KARS1: variants seen among roughly 807,000 people sequenced by gnomAD.
KARS1 encodes lysine--tRNA ligase.
In KARS1, 50 loss-of-function variants were observed where a neutral mutation model predicts 63.9. The ratio of observed to expected loss-of-function variants is 0.78; its 90% confidence interval spans 0.62 to 0.99. The LOEUF is 0.99. Ranked by LOEUF, KARS1 falls within the 50% of genes least tolerant of loss-of-function variation. The pLI is 0.00. For missense variants in KARS1, 816 were observed against 754.5 expected, an observed-to-expected ratio of 1.08 and a Z score of -0.95; for synonymous variants, 320 against 264.6, an observed-to-expected ratio of 1.21 and a Z score of -2.03.
intron 3 of KARS1, among the ~76,000 whole-genome samples, chr16:75,636,859 T>G (rs2082167562): frequency 6.6e-6 from 1 of 151,748 alleles, no homozygotes; most frequent in Non-Finnish European, 1.5e-5. Context: ...AGGCTGGTCT[T>G]GAACTCCTGG....
chr16:75,643,267 C>G (rs2082244261), intron 1 of KARS1, among the ~76,000 whole-genome samples: 2 of 152,158 alleles, frequency 1.3e-5, no homozygotes, highest in Admixed American at 6.5e-5. Flanking sequence ...TGAACCACAG[C>G]AGAAGATCCC....
intron 1 of KARS1, among the ~76,000 whole-genome samples, chr16:75,643,749 T>C (rs2082250530): frequency 6.6e-6 from 1 of 152,242 alleles, no homozygotes; most frequent in Non-Finnish European, 1.5e-5. Flanking sequence ...TTTCTACATA[T>C]AATGTCTTAT....
At chr16:75,628,897 G>A (rs1293592999) in intron 12 of KARS1, 185 bp from the exon 13 acceptor site, 2 of 674,744 alleles carry the variant, frequency 3.0e-6, no homozygotes, top group Non-Finnish European at 5.2e-6. Flanking sequence ...AAGACCTGGA[G>A]GTCAGGACTG....
At chr16:75,628,762 G>T (rs755550385) in intron 12 of KARS1, 50 bp from the exon 13 acceptor site, 25 of 1,597,916 alleles carry the variant, frequency 1.6e-5, no homozygotes, top group Non-Finnish European at 2.1e-5. Context: ...AGATATCTCA[G>T]TGTGTGAGTG....
intron 2 of KARS1, among the ~76,000 whole-genome samples, chr16:75,640,681 C>T (rs747858146): frequency 5.3e-5 from 8 of 152,318 alleles, no homozygotes; most frequent in South Asian, 2.1e-4. Context: ...GAGTCACTTA[C>T]GTTCTTAACT....
chr16:75,643,378 CCT>C (rs1491301893), intron 1 of KARS1, among the ~76,000 whole-genome samples: 1 of 150,850 alleles, frequency 6.6e-6, no homozygotes, highest in Non-Finnish European at 1.5e-5. Flanking sequence ...GAATCTTTCA[CCT>C]TTTTTTTTTT....
chr16:75,631,403 G>A lies in KARS1; in HGVS notation c.1252+13C>T, dbSNP rs2082111622. 18 of 1,613,760 alleles carry A rather than the reference G, an allele frequency of 1.1e-5. No homozygotes were observed. Among genetic ancestry groups the A allele is most frequent in the Non-Finnish European group, 1.5e-5 (18 of 1,179,672 alleles). ...AGGGCCTTACAACGGAGGAGTGAGT[G>A]TTGTCACTTTACCTTCAGTTTCAAA... On this transcript the variant is annotated intron_variant, in intron 9 of 13. Transcript: ENST00000302445.
rs115912670 is a variant in KARS1 at position 75,630,374 on chromosome 16, C to T, written c.1424+49G>A. 1,056 of 1,140,826 alleles carry T rather than the reference C, an allele frequency of 9.3e-4. 8 individuals carry two copies. In the African/African-American group the frequency reaches 0.014, roughly 15 times the overall value. The allele number at this position is 1,140,826 out of a possible 1,614,324, so 70.7% of individuals were successfully genotyped here. ...AAATCTTGACAATAAATTGTTAACACCACTAAGTTTTGGGGCTGTTATGCA... is the reference window on the plus strand; with the variant it reads ...AAATCTTGACAATAAATTGTTAACATCACTAAGTTTTGGGGCTGTTATGCA... On this transcript the variant is annotated intron_variant, in intron 11 of 13. Transcript: ENST00000302445.
chr16:75,629,565 A>C (rs762245486), intron 11 of KARS1, 24 bp from the exon 12 acceptor site: 16 of 1,613,188 alleles, frequency 9.9e-6, no homozygotes, highest in African/African-American at 4.0e-5. Context: ...ACCAAAGAGG[A>C]GGCTGAATAT....
chr16:75,633,434 C>T (rs1021737496), intron 7 of KARS1, among the ~76,000 whole-genome samples: 1 of 151,800 alleles, frequency 6.6e-6, no homozygotes, highest in African/African-American at 2.4e-5. Context: ...TTTCTGTTGT[C>T]TGCAACTAAG....
At position 75,640,347 on chromosome 16, in the gene KARS1, T is replaced by C. The variant is rs762620410; in HGVS notation, c.225A>G (p.Gln75=). Residue 75 remains glutamine (Q), a splice_region_variant and synonymous_variant, in exon 3 of 14, where the codon CAA becomes CAG. Coordinates refer to ENST00000302445, the MANE Select transcript of KARS1 (RefSeq NM_005548.3). ...GPEEESVDPN[Q]YYKIRSQAIH... ...TTGCTTGACTGCGGATTTTGTAGTATTGCTGTTAAAAAAAAAAAAAAAAAA... is the reference window on the plus strand; with the variant it reads ...TTGCTTGACTGCGGATTTTGTAGTACTGCTGTTAAAAAAAAAAAAAAAAAA... 60 of 1,607,410 alleles carry C rather than the reference T, an allele frequency of 3.7e-5. No individual in the cohort carries two copies. The highest frequency in any genetic ancestry group is 3.4e-4 in the Middle Eastern group (2 of 5,860).
Position 75,647,630 on chromosome 16 carries a change from C to A in KARS1, c.10G>T (p.Val4Leu), listed in dbSNP as rs1410343010. The change falls in exon 1 of 14, where the codon GTG becomes TTG. Residue 4 changes from valine (V) to leucine (L), a missense_variant. Physicochemically the swap from Val to Leu is conservative, Grantham distance 32. Coordinates refer to ENST00000302445, the MANE Select transcript of KARS1 (RefSeq NM_005548.3). The stretch of plus-strand genomic sequence containing the variant: ...TCCACTTTCACCTCGGCCGCCTGCA[C>A]GGCCGCCATCTTCCCGGAGGGCCCG... MAA[V>L]QAAEVKVDGS... 1 of 1,613,852 alleles carries A rather than the reference C, an allele frequency of 6.2e-7. No individual in the cohort carries two copies. The highest frequency in any genetic ancestry group is 8.5e-7 in the Non-Finnish European group (1 of 1,179,892).
At chr16:75,637,711 G>A (rs1399735368) in intron 3 of KARS1, among the ~76,000 whole-genome samples, 9 of 151,170 alleles carry the variant, frequency 6.0e-5, no homozygotes, top group African/African-American at 1.2e-4. Context: ...CCTGGGAGGC[G>A]GAGGTTGCAG....
At chr16:75,629,605 TTTC>T in intron 11 of KARS1, 64 bp from the exon 12 acceptor site, 2 of 1,579,460 alleles carry the variant, frequency 1.3e-6, no homozygotes, top group Non-Finnish European at 1.7e-6. Flanking sequence ...AATTTTGTTT[TTTC>T]TTTTTTTTTG....
chr16:75,628,775 C>T, intron 12 of KARS1, 63 bp from the exon 13 acceptor site: 3 of 1,570,124 alleles, frequency 1.9e-6, no homozygotes, highest in Non-Finnish European at 2.6e-6. Context: ...TGTGAGTGAA[C>T]ATGTTACCAG....
chr16:75,633,666 T>C (rs1274726974), intron 7 of KARS1, among the ~76,000 whole-genome samples: 3 of 152,066 alleles, frequency 2.0e-5, no homozygotes, highest in Non-Finnish European at 4.4e-5. Flanking sequence ...TACAGGCACA[T>C]GCCACCACGC....
intron 11 of KARS1, 21 bp from the exon 12 acceptor site, chr16:75,629,562 A>T (rs376806083): frequency 2.5e-6 from 4 of 1,613,452 alleles, no homozygotes; most frequent in Non-Finnish European, 3.4e-6. Flanking sequence ...GAGACCAAAG[A>T]GGAGGCTGAA....
chr16:75,637,818 G>C (rs1403901156), intron 3 of KARS1, among the ~76,000 whole-genome samples: 1 of 140,246 alleles, frequency 7.1e-6, no homozygotes, highest in Non-Finnish European at 1.5e-5. Flanking sequence ...ATGAGGAGTA[G>C]AGCCCACAGA....
In KARS1 at chr16:75,635,656, C is replaced by T. The variant is rs763016892; in HGVS notation, c.795+24G>A. The T allele has an allele frequency of 3.1e-5, 50 of 1,613,002 alleles. No individual in the cohort carries two copies. In the Middle Eastern group the frequency reaches 1.1e-3, roughly 35 times the overall value. ...GCAAGCATTGCAAGGCAGCTCATCA[C>T]GTCAGGCAAGGAACTCTCCTTACCT... On this transcript the variant is annotated intron_variant, in intron 6 of 13. Coordinates refer to ENST00000302445, the MANE Select transcript of KARS1 (RefSeq NM_005548.3).
Sources: allele counts gnomAD v4.1 joint callset (sites outside exome capture counted in the v4.1 genomes callset), GRCh38; gene constraint gnomAD v4.1.1; transcripts MANE v1.5; gene names NCBI Gene and HGNC (gene_info 2026-07-23, HGNC 2026-07-21).